The following CNTNAP2 variants were observed in gnomAD, a reference collection of about 807,000 sequenced individuals.
The protein encoded by CNTNAP2 is contactin-associated protein-like 2.
Under a neutral mutation model 155.2 loss-of-function variants are expected in CNTNAP2, and 98 were observed. The ratio of observed to expected loss-of-function variants is 0.63; its 90% CI spans 0.54 to 0.75. The LOEUF is 0.75. Among genes scored for constraint, CNTNAP2 ranks in the 30% least tolerant of loss-of-function variants. The pLI, the probability that CNTNAP2 is intolerant of heterozygous loss-of-function variation, is 0.00. For missense variants in CNTNAP2, 1,727 were observed against 1,688.1 expected (o/e 1.02, Z -0.40); for synonymous variants, 651 against 631.2 (o/e 1.03, Z -0.47).
intron 12 of CNTNAP2, among the ~76,000 whole-genome samples, chr7:147,570,177 C>G (rs1187196884): frequency 2.0e-5 from 3 of 152,270 alleles, no homozygotes; most frequent in African/African-American, 2.4e-5. Context: ...ATCTCTTCAT[C>G]TTTTCCATGT....
At chr7:147,515,656 T>A (rs1799113224) in intron 11 of CNTNAP2, among the ~76,000 whole-genome samples, 1 of 152,176 alleles carries the variant, frequency 6.6e-6, no homozygotes, top group East Asian at 1.9e-4. Flanking sequence ...TTTGCTTATT[T>A]GTGTGCTATA....
At chr7:147,061,843 A>T (rs1452391334) in intron 4 of CNTNAP2, among the ~76,000 whole-genome samples, 1 of 152,124 alleles carries the variant, frequency 6.6e-6, no homozygotes, top group Non-Finnish European at 1.5e-5. Context: ...TAATTCAAAA[A>T]CAGTTCTTTG....
chr7:148,061,139 G>T (rs959574414), intron 15 of CNTNAP2, among the ~76,000 whole-genome samples: 4 of 152,070 alleles, frequency 2.6e-5, no homozygotes, highest in Admixed American at 1.3e-4. Context: ...TAGGTTAAAG[G>T]TTTTTAAAAC....
chr7:148,072,066 C>T (rs1803391624), intron 15 of CNTNAP2, among the ~76,000 whole-genome samples: 2 of 152,154 alleles, frequency 1.3e-5, no homozygotes, highest in African/African-American at 4.8e-5. Flanking sequence ...GGCATCTCCT[C>T]CCCCTTCCAC....
chr7:147,167,541 C>T, intron 8 of CNTNAP2: 2 of 811,072 alleles, frequency 2.5e-6, no homozygotes, highest in South Asian at 1.6e-5. Flanking sequence ...AGAGGTTCTT[C>T]AGACAACTGC....
chr7:146,829,521 G>A (rs1355363120), intron 2 of CNTNAP2, among the ~76,000 whole-genome samples: 1 of 151,974 alleles, frequency 6.6e-6, no homozygotes, highest in Non-Finnish European at 1.5e-5. Context: ...AAATGATTAG[G>A]CTATGAACAG....
intron 1 of CNTNAP2, among the ~76,000 whole-genome samples, chr7:146,428,847 T>A (rs1389238524): frequency 6.6e-6 from 1 of 152,164 alleles, no homozygotes; most frequent in South Asian, 2.1e-4. Context: ...CTGAATGGTA[T>A]TGCCTAGATT....
chr7:146,172,338 A>G (rs1798407038), intron 1 of CNTNAP2, among the ~76,000 whole-genome samples: 1 of 152,024 alleles, frequency 6.6e-6, no homozygotes, highest in Non-Finnish European at 1.5e-5. Flanking sequence ...GATACTGCTA[A>G]ATATCCTACT....
chr7:146,155,455 A>G (rs1281881629), intron 1 of CNTNAP2, among the ~76,000 whole-genome samples: 2 of 152,050 alleles, frequency 1.3e-5, no homozygotes, highest in African/African-American at 4.8e-5. Flanking sequence ...TCGTATAACT[A>G]TGTGTCCCGG....
intron 15 of CNTNAP2, among the ~76,000 whole-genome samples, chr7:148,034,827 C>G (rs558246926): frequency 6.6e-6 from 1 of 152,204 alleles, no homozygotes; most frequent in Non-Finnish European, 1.5e-5. Context: ...GTAGAGATTA[C>G]TAAGTTGTTG....
intron 1 of CNTNAP2, among the ~76,000 whole-genome samples, chr7:146,388,278 G>A (rs990111080): frequency 3.3e-5 from 5 of 151,596 alleles, no homozygotes; most frequent in African/African-American, 4.8e-5. Context: ...AAAAAGAAAT[G>A]CAAAAAATTA....
intron 1 of CNTNAP2, among the ~76,000 whole-genome samples, chr7:146,385,038 A>G (rs118180219): frequency 0.014 from 2,195 of 152,332 alleles, 26 homozygotes; most frequent in Non-Finnish European, 0.024. Flanking sequence ...ACTAGACTAT[A>G]CATTGTCAAT....
intron 1 of CNTNAP2, among the ~76,000 whole-genome samples, chr7:146,152,884 A>G (rs1798072326): frequency 2.0e-5 from 3 of 152,090 alleles, no homozygotes; most frequent in African/African-American, 7.2e-5. Flanking sequence ...AAAGTGCTCT[A>G]CCCATCAACC....
intron 12 of CNTNAP2, among the ~76,000 whole-genome samples, chr7:147,580,208 T>G (rs935712859): frequency 6.6e-6 from 1 of 152,200 alleles, no homozygotes; most frequent in Non-Finnish European, 1.5e-5. Context: ...TACTATGTTT[T>G]ATATTCCTTC....
intron 14 of CNTNAP2, among the ~76,000 whole-genome samples, chr7:147,969,815 T>C (rs78329443): frequency 0.024 from 3,581 of 152,334 alleles, 156 homozygotes; most frequent in African/African-American, 0.081. Context: ...TAGATAGTTT[T>C]TGGTATTAAC....
At chr7:146,441,529 T>C (rs943046533) in intron 1 of CNTNAP2, among the ~76,000 whole-genome samples, 1 of 151,454 alleles carries the variant, frequency 6.6e-6, no homozygotes, top group African/African-American at 2.5e-5. Flanking sequence ...GAGATCATTC[T>C]CTGGTTTCCA....
chr7:147,704,282 A>G (rs1415907202), intron 13 of CNTNAP2: 1 of 157,544 alleles, frequency 6.3e-6, no homozygotes, highest in African/African-American at 2.4e-5. Context: ...AATACAATAA[A>G]GTTCTTTCTT....
chr7:146,524,748 A>G (rs1170903743), intron 1 of CNTNAP2, among the ~76,000 whole-genome samples: 2 of 152,142 alleles, frequency 1.3e-5, no homozygotes, highest in Non-Finnish European at 2.9e-5. Flanking sequence ...CATTATAAAT[A>G]CAAGGTGCAA....
intron 21 of CNTNAP2, among the ~76,000 whole-genome samples, chr7:148,307,116 C>T (rs1797504075): frequency 6.6e-6 from 1 of 152,116 alleles, no homozygotes; most frequent in Non-Finnish European, 1.5e-5. Flanking sequence ...CTGCGAGGTT[C>T]AAGATTCAGT....
Sources: allele counts gnomAD v4.1 joint callset (sites outside exome capture counted in the v4.1 genomes callset), GRCh38; gene constraint gnomAD v4.1.1; transcripts MANE v1.5; gene names NCBI Gene and HGNC (gene_info 2026-07-23, HGNC 2026-07-21).